Variants in LARP4B observed in about 807,000 individuals in gnomAD.
LARP4B encodes the protein la-related protein 4B.
Under a neutral mutation model 89.8 loss-of-function variants are expected in LARP4B, and 12 were observed. The ratio of observed to expected loss-of-function variants is 0.13; its 90% CI spans 0.09 to 0.22. The LOEUF (loss-of-function observed/expected upper bound fraction) is 0.22. Among genes scored for constraint, LARP4B ranks in the 10% least tolerant of loss-of-function variants. The pLI is 1.00. For synonymous variants in LARP4B, 367 were observed against 363.3 expected (o/e 1.01, Z -0.12); for missense variants, 757 against 947.7 (o/e 0.80, Z 2.64).
intron 1 of LARP4B, among the ~76,000 whole-genome samples, chr10:916,421 C>T (rs1425452496): frequency 1.3e-5 from 2 of 151,954 alleles, no homozygotes; most frequent in Admixed American, 6.6e-5. Flanking sequence ...CTTGGCTGGG[C>T]GCGATGGCTC....
intron 13 of LARP4B, among the ~76,000 whole-genome samples, chr10:821,119 G>T (rs1832330341): frequency 6.6e-6 from 1 of 152,210 alleles, no homozygotes; most frequent in Non-Finnish European, 1.5e-5. Flanking sequence ...GTGCCTCCTT[G>T]GGATGTCTGT....
At chr10:941,803 C>T in the LARP4B span, among the ~76,000 whole-genome samples, 20 of 151,598 alleles carry the variant, frequency 1.3e-4, no homozygotes, top group African/African-American at 4.6e-4. Context: ...TGAGACAGGG[C>T]CTCAGCCTGT....
the LARP4B span, among the ~76,000 whole-genome samples, chr10:941,131 C>T: frequency 5.3e-5 from 8 of 152,270 alleles, no homozygotes; most frequent in South Asian, 2.1e-4. Context: ...TGGAGGAGGA[C>T]GGACATTTGC....
chr10:948,955 G>A, the LARP4B span, among the ~76,000 whole-genome samples: 7 of 152,206 alleles, frequency 4.6e-5, no homozygotes, highest in African/African-American at 1.7e-4. Context: ...AAGCTACTAC[G>A]AACAGCTGTG....
chr10:906,243 T>TA (rs1336683233), intron 1 of LARP4B, among the ~76,000 whole-genome samples: 1 of 152,280 alleles, frequency 6.6e-6, no homozygotes, highest in Non-Finnish European at 1.5e-5. Context: ...CTTCAGTTTT[T>TA]ATCCTTATTT....
intron 1 of LARP4B, among the ~76,000 whole-genome samples, chr10:914,829 C>CAA (rs1836775262): frequency 9.9e-6 from 1 of 100,508 alleles, no homozygotes. Flanking sequence ...CACCCCCCAG[C>CAA]AAAGAAAAAA....
chr10:846,972 C>G (rs1158071234), intron 5 of LARP4B, among the ~76,000 whole-genome samples: 1 of 152,156 alleles, frequency 6.6e-6, no homozygotes, highest in Non-Finnish European at 1.5e-5. Context: ...ACAGTAGAGC[C>G]AGGTAAGTTA....
chr10:949,306 C>T, the LARP4B span, among the ~76,000 whole-genome samples: 33 of 151,318 alleles, frequency 2.2e-4, no homozygotes, highest in African/African-American at 7.5e-4. Flanking sequence ...TCTTACATCC[C>T]ACCAGCCCCG....
intron 8 of LARP4B, among the ~76,000 whole-genome samples, chr10:831,751 T>C (rs1832916471): frequency 6.6e-6 from 1 of 152,104 alleles, no homozygotes; most frequent in Non-Finnish European, 1.5e-5. Context: ...ACCTAGAAAG[T>C]TGGTTCCAGG....
the LARP4B span, among the ~76,000 whole-genome samples, chr10:939,202 C>G: frequency 2.6e-5 from 4 of 152,326 alleles, no homozygotes; most frequent in African/African-American, 9.6e-5. Context: ...GCCAGGGAGG[C>G]TGCAGTGGAG....
At chr10:861,492 C>A (rs1465790634) in intron 5 of LARP4B, among the ~76,000 whole-genome samples, 1 of 146,970 alleles carries the variant, frequency 6.8e-6, no homozygotes, top group Non-Finnish European at 1.5e-5. Flanking sequence ...AGAAGGTATT[C>A]TTTTTCTTCT....
chr10:852,854 A>T (rs1834125430), intron 5 of LARP4B, among the ~76,000 whole-genome samples: 1 of 152,256 alleles, frequency 6.6e-6, no homozygotes, highest in South Asian at 2.1e-4. Flanking sequence ...TACAAATTTT[A>T]AAAATCACTT....
At chr10:954,452 G>A in the LARP4B span, among the ~76,000 whole-genome samples, 1 of 152,180 alleles carries the variant, frequency 6.6e-6, no homozygotes, top group Non-Finnish European at 1.5e-5. The surrounding 1 kb of genome is among the most constrained non-coding windows in gnomAD (Gnocchi z 5.0). Flanking sequence ...AGACGGGGGT[G>A]TGAGGCAGAG....
the LARP4B span, among the ~76,000 whole-genome samples, chr10:984,680 T>G: frequency 2.6e-5 from 4 of 152,164 alleles, no homozygotes; most frequent in African/African-American, 4.8e-5. Context: ...TGACCCCAAG[T>G]GCAATCCATC....
intron 5 of LARP4B, 111 bp from the exon 6 acceptor site, chr10:845,166 A>T: frequency 1.4e-6 from 1 of 690,998 alleles, no homozygotes; most frequent in Non-Finnish European, 2.4e-6. Context: ...CAACTACGTA[A>T]GTGTATCCTA....
chr10:965,840 C>T, the LARP4B span, among the ~76,000 whole-genome samples: 4 of 151,956 alleles, frequency 2.6e-5, 1 homozygote, highest in African/African-American at 7.3e-5. Context: ...AATCATCAAC[C>T]GATTTATGTC....
intron 5 of LARP4B, among the ~76,000 whole-genome samples, chr10:858,459 C>T (rs927280548): frequency 6.6e-6 from 1 of 152,102 alleles, no homozygotes; most frequent in African/African-American, 2.4e-5. Flanking sequence ...AAAACACAGA[C>T]AAAACCTTCA....
At chr10:895,117 C>A (rs946969350) in intron 1 of LARP4B, among the ~76,000 whole-genome samples, 2 of 152,126 alleles carry the variant, frequency 1.3e-5, no homozygotes, top group South Asian at 2.1e-4. Context: ...ATCCGGGAGG[C>A]AGAGGTTGCA....
chr10:914,664 G>A (rs1349925274), intron 1 of LARP4B, among the ~76,000 whole-genome samples: 1 of 151,438 alleles, frequency 6.6e-6, no homozygotes, highest in Non-Finnish European at 1.5e-5. Flanking sequence ...GCATGGTGGC[G>A]CATGCCTGTA....
Sources: allele counts gnomAD v4.1 joint callset (sites outside exome capture counted in the v4.1 genomes callset), GRCh38; gene constraint gnomAD v4.1.1; non-coding constraint Gnocchi (gnomAD v3.1); transcripts MANE v1.5; gene names NCBI Gene and HGNC (gene_info 2026-07-23, HGNC 2026-07-21).